The following PHACTR2 variants were observed in gnomAD, a reference collection of about 807,000 sequenced individuals.
PHACTR2 encodes chromosome 6 open reading frame 56.
Under a neutral mutation model 76.0 loss-of-function variants are expected in PHACTR2, and 30 were observed. The observed-to-expected ratio is 0.39, with a 90% CI of 0.30 to 0.54. The LOEUF is 0.54. Among genes scored for constraint, PHACTR2 ranks in the 20% least tolerant of loss-of-function variants. The probability of loss-of-function intolerance (pLI) is 0.61; values close to 1 mark genes in which losing one functional copy is unlikely to be tolerated. For missense variants in PHACTR2, 696 were observed against 781.1 expected (o/e 0.89, Z 1.30); for synonymous variants, 292 against 292.5 (o/e 1.00, Z 0.02).
rs541142270 is a variant in PHACTR2 at position 143,806,336 on chromosome 6, T to C, written c.1846-721T>C. ...ATTATGCTGAAATTATAAGTTCTAT[T>C]TCTATAAACTTCCAATATTAAAGAA... On this transcript the variant is annotated intron_variant, in intron 11 of 12. Transcript: ENST00000440869. This position sits in a 1 kb window ranked among gnomAD's most constrained non-coding sequence, Gnocchi z 5.8. Among the ~76,000 whole-genome samples, 7 of 152,334 alleles carry C rather than the reference T, an allele frequency of 4.6e-5. No individual in the cohort carries two copies. Among genetic ancestry groups the C allele is most frequent in the African/African-American group, 1.4e-4 (6 of 41,572 alleles).
At chr6:143,701,837 A>G (rs1344464969) in intron 1 of PHACTR2, among the ~76,000 whole-genome samples, 2 of 152,248 alleles carry the variant, frequency 1.3e-5, no homozygotes, top group Non-Finnish European at 2.9e-5. Flanking sequence ...AAGTAATAGA[A>G]TAGGTCTTAA....
chr6:143,766,931 C>T (rs1415259424), intron 6 of PHACTR2, among the ~76,000 whole-genome samples: 1 of 152,146 alleles, frequency 6.6e-6, no homozygotes, highest in African/African-American at 2.4e-5. Flanking sequence ...TGGCTTTTTG[C>T]TCCTGAGTCT....
chr6:143,763,453 A>G (rs1779484462), intron 5 of PHACTR2, among the ~76,000 whole-genome samples: 1 of 152,224 alleles, frequency 6.6e-6, no homozygotes, highest in Non-Finnish European at 1.5e-5. Flanking sequence ...ATAATTGAAC[A>G]TGGTTAGGCA....
intron 1 of PHACTR2, among the ~76,000 whole-genome samples, chr6:143,563,021 G>C (rs1322461147): frequency 1.3e-5 from 2 of 152,192 alleles, no homozygotes; most frequent in African/African-American, 2.4e-5. Context: ...TGGAGTTTCT[G>C]TTTGGGTTGA....
At chr6:143,771,184 ATATATGTG>A (rs1775113535) in intron 6 of PHACTR2, among the ~76,000 whole-genome samples, 1 of 40,900 alleles carries the variant, frequency 2.4e-5, no homozygotes, top group African/African-American at 1.5e-4. Flanking sequence ...GTATATATAT[ATATATGTG>A]TGTATATATA....
At chr6:143,630,566 A>G (rs1776347108) in intron 1 of PHACTR2, among the ~76,000 whole-genome samples, 1 of 152,194 alleles carries the variant, frequency 6.6e-6, no homozygotes, top group South Asian at 2.1e-4. Flanking sequence ...AAATGAGTTA[A>G]CCTTTCAAAG....
Position 143,765,496 on chromosome 6 carries a change from A to G in PHACTR2, c.930A>G (p.Arg310=). 2 of 1,614,224 alleles carry G rather than the reference A, an allele frequency of 1.2e-6. No homozygotes were observed. Among genetic ancestry groups the G allele is most frequent in the Non-Finnish European group, 1.7e-6 (2 of 1,180,034 alleles). The change falls in exon 6 of 13, where the codon AGA becomes AGG. Residue 310 remains arginine, a synonymous_variant. Transcript: ENST00000440869. The surrounding 1 kb of genome is among the most constrained non-coding windows in gnomAD (Gnocchi z 4.1). ...TGAAAGGAGAGCCTGCAGAGACCAG[A>G]GTGGAGAGTTTCAAACTCGAACAGA... The part of the protein sequence containing the change: ...SDLKGEPAET[R]VESFKLEQTV...
At chr6:143,620,646 C>T (rs1776137324) in intron 1 of PHACTR2, among the ~76,000 whole-genome samples, 1 of 152,178 alleles carries the variant, frequency 6.6e-6, no homozygotes. Context: ...AGCTTAACTG[C>T]ACATAAAAAA....
chr6:143,700,554 T>C lies in PHACTR2; in HGVS notation c.47-11462T>C, dbSNP rs960841004. ...GGGTGACAGAACGAGACTCCATTGA[T>C]TGGGGGCAGTGGGGAGGGGGGGCGA... On this transcript the variant is annotated intron_variant, in intron 1 of 12. Coordinates refer to ENST00000440869, the MANE Select transcript of PHACTR2 (RefSeq NM_001100164.2). This position sits in a 1 kb window ranked among gnomAD's most constrained non-coding sequence, Gnocchi z 4.1. Among the ~76,000 whole-genome samples, 2 of 152,088 alleles carry C rather than the reference T, an allele frequency of 1.3e-5. No homozygotes were observed. Among genetic ancestry groups the C allele is most frequent in the Non-Finnish European group, 2.9e-5 (2 of 68,004 alleles).
Position 143,733,368 on chromosome 6 carries a change from C to G in PHACTR2, c.215-15617C>G, listed in dbSNP as rs1408505811. Among the ~76,000 whole-genome samples, 1 of 152,086 alleles carries G rather than the reference C, an allele frequency of 6.6e-6. No homozygotes were observed. The highest frequency in any genetic ancestry group is 2.4e-5 in the African/African-American group (1 of 41,414). On this transcript the variant is annotated intron_variant, in intron 2 of 12. Transcript: ENST00000440869. The surrounding 1 kb of genome is among the most constrained non-coding windows in gnomAD (Gnocchi z 4.0). ...CTTCTTTGGTGAGATCTCAAAGAAA[C>G]TTGTATAGTGCCTGGCTTATGTTAA... is the stretch of plus-strand genomic sequence containing the variant.
chr6:143,687,194 T>C (rs1777545680), intron 1 of PHACTR2, among the ~76,000 whole-genome samples: 1 of 152,210 alleles, frequency 6.6e-6, no homozygotes, highest in Non-Finnish European at 1.5e-5. Flanking sequence ...TCCCAAATAT[T>C]TTAATTTTAT....
chr6:143,596,552 C>T lies in PHACTR2; in HGVS notation c.217+59345C>T, dbSNP rs1775758427. 6.6e-6 allele frequency among the ~76,000 whole-genome samples: 1 copy of T among 152,116 alleles called. No homozygotes were observed. The highest frequency in any genetic ancestry group is 1.5e-5 in the Non-Finnish European group (1 of 68,020). ...CAAAACTCTGTGTAAGAATCACAGC[C>T]ATCAGGCCGGGCACTGTGGCTCATG... On this transcript the variant is annotated intron_variant, in intron 1 of 11. Transcript: ENST00000367584. This position sits in a 1 kb window ranked among gnomAD's most constrained non-coding sequence, Gnocchi z 4.6.
chr6:143,639,371 A>G lies in PHACTR2; in HGVS notation c.13+31049A>G, dbSNP rs544219328. Among the ~76,000 whole-genome samples, 9 of 152,368 alleles carry G rather than the reference A, an allele frequency of 5.9e-5. No individual in the cohort carries two copies. The South Asian group carries it at 1.4e-3, about 25-fold the overall frequency. ...AGTTAGTGTTTATGCCATCAAGGCT[A>G]TCATTGCTCAAAACATTTCAAAAAT... is the stretch of plus-strand genomic sequence containing the variant. On this transcript the variant is annotated intron_variant, in intron 1 of 11. Coordinates refer to the PHACTR2 transcript ENST00000305766. This position sits in a 1 kb window ranked among gnomAD's most constrained non-coding sequence, Gnocchi z 5.0.
In PHACTR2 at chr6:143,774,005, T is replaced by C. The variant is rs1775214623; in HGVS notation, c.1433-54T>C. ...AAGTCCATGCCATGTGTAACCTGAG[T>C]GCCACTGGCTAAAAGCCTCTCTCTC... On this transcript the variant is annotated intron_variant, in intron 7 of 12. Coordinates refer to ENST00000440869, the MANE Select transcript of PHACTR2 (RefSeq NM_001100164.2). This position sits in a 1 kb window ranked among gnomAD's most constrained non-coding sequence, Gnocchi z 5.4. 1 of 1,533,420 alleles carries C rather than the reference T, an allele frequency of 6.5e-7. No individual in the cohort carries two copies. The highest frequency in any genetic ancestry group is 8.9e-7 in the Non-Finnish European group (1 of 1,118,290). 95.0% of individuals were successfully genotyped at this position (1,533,420 alleles called of 1,614,324 possible). A position where few individuals can be genotyped will look rare whatever the true frequency, so the allele number is the denominator to read the frequency against.
Position 143,731,983 on chromosome 6 carries a change from A to T in PHACTR2, c.215-17002A>T, listed in dbSNP as rs532725567. 6.6e-6 allele frequency among the ~76,000 whole-genome samples: 1 copy of T among 152,312 alleles called. No individual in the cohort carries two copies. Among genetic ancestry groups the T allele is most frequent in the Admixed American group, 6.5e-5 (1 of 15,296 alleles). ...GCTTTGAAATGGAAAAGAAAGTGAAACTTTTCCTCTAGATTTCTTTATGGT... is the reference window on the plus strand; with the variant it reads ...GCTTTGAAATGGAAAAGAAAGTGAATCTTTTCCTCTAGATTTCTTTATGGT... On this transcript the variant is annotated intron_variant, in intron 2 of 12. Transcript: ENST00000440869. The surrounding 1 kb of genome is among the most constrained non-coding windows in gnomAD (Gnocchi z 4.9).
rs35107482 is a variant in PHACTR2 at position 143,626,536 on chromosome 6, C to CAAAAAAAAAAAAAAAAAAAAAAAAAAAA, written c.13+18229_13+18230insAAAAAAAAAAAAAAAAAAAAAAAAAAAA. Among the ~76,000 whole-genome samples the CAAAAAAAAAAAAAAAAAAAAAAAAAAAA allele has an allele frequency of 1.6e-4, 19 of 122,286 alleles. 1 individual carries two copies. Among genetic ancestry groups the CAAAAAAAAAAAAAAAAAAAAAAAAAAAA allele is most frequent in the African/African-American group, 3.6e-4 (11 of 30,482 alleles). The allele number at this position is 122,286 out of a possible 152,430, so 80.2% of individuals were successfully genotyped here. The stretch of plus-strand genomic sequence containing the variant: ...TGGGCAGCAGAGCGAGACTCCGTCT[C>CAAAAAAAAAAAAAAAAAAAAAAAAAAAA]AAAAAAAAAAAAAAATTAGCACAAA... On this transcript the variant is annotated intron_variant, in intron 1 of 11. Coordinates refer to the PHACTR2 transcript ENST00000305766.
intron 11 of PHACTR2, among the ~76,000 whole-genome samples, chr6:143,804,292 G>C (rs1776020465): frequency 6.6e-6 from 1 of 152,140 alleles, no homozygotes. Flanking sequence ...GCCTTTCCCT[G>C]TATCTTGGGT....
upstream of PHACTR2, among the ~76,000 whole-genome samples, chr6:143,674,005 A>C (rs6907410): frequency 1.1e-4 from 17 of 152,078 alleles, no homozygotes; most frequent in Non-Finnish European, 1.9e-4. This position sits in a 1 kb window ranked among gnomAD's most constrained non-coding sequence, Gnocchi z 4.9. Context: ...GATGCTTAAT[A>C]TAACTAGAAT....
intron 1 of PHACTR2, among the ~76,000 whole-genome samples, chr6:143,681,057 T>C (rs1394804360): frequency 6.6e-6 from 1 of 152,250 alleles, no homozygotes; most frequent in African/African-American, 2.4e-5. Flanking sequence ...TGAATAATGC[T>C]GCTCTGAACT....
Sources: allele counts gnomAD v4.1 joint callset (sites outside exome capture counted in the v4.1 genomes callset), GRCh38; gene constraint gnomAD v4.1.1; non-coding constraint Gnocchi (gnomAD v3.1); transcripts MANE v1.5; gene names NCBI Gene and HGNC (gene_info 2026-07-23, HGNC 2026-07-21).